DLGAP1: variants seen among roughly 807,000 people sequenced by gnomAD.
The protein encoded by DLGAP1 is DLG associated protein 1, also known as disks large-associated protein 1.
Under a neutral mutation model 90.8 loss-of-function variants are expected in DLGAP1, and 11 were observed. That is an observed-to-expected ratio of 0.12 (90% CI 0.08 to 0.20). The LOEUF (loss-of-function observed/expected upper bound fraction) is 0.20, where lower values mean the gene tolerates loss of function less well. Ranked by LOEUF, DLGAP1 falls within the 10% of genes least tolerant of loss-of-function variation. The pLI is 1.00. For synonymous variants in DLGAP1, 558 were observed against 540.7 expected (o/e 1.03, Z -0.44); for missense variants, 1,050 against 1,333.8 (o/e 0.79, Z 3.31).
chr18:4,311,333 GA>G (rs2080392246), intron 1 of DLGAP1, among the ~76,000 whole-genome samples: 1 of 152,168 alleles, frequency 6.6e-6, no homozygotes, highest in African/African-American at 2.4e-5. Context: ...TACTTTTTAA[GA>G]GTGCCCACTG....
intron 5 of DLGAP1, among the ~76,000 whole-genome samples, chr18:3,811,818 T>C (rs895564027): frequency 1.8e-4 from 28 of 152,304 alleles, no homozygotes; most frequent in African/African-American, 6.5e-4. Flanking sequence ...ATCCTCCACA[T>C]CCTGAAGCTA....
intron 4 of DLGAP1, among the ~76,000 whole-genome samples, chr18:3,837,713 G>T (rs190651489): frequency 6.6e-6 from 1 of 151,742 alleles, no homozygotes; most frequent in Non-Finnish European, 1.5e-5. Flanking sequence ...TTAGCTGGGC[G>T]TGGTGGTGTG....
At chr18:4,436,653 T>A (rs1461187595) in intron 1 of DLGAP1, among the ~76,000 whole-genome samples, 1 of 152,158 alleles carries the variant, frequency 6.6e-6, no homozygotes, top group Non-Finnish European at 1.5e-5. Flanking sequence ...TCTAGATGAT[T>A]CAATACATAG....
chr18:4,097,522 C>T (rs948995440), intron 2 of DLGAP1, among the ~76,000 whole-genome samples: 1 of 152,192 alleles, frequency 6.6e-6, no homozygotes, highest in Admixed American at 6.5e-5. Flanking sequence ...TCCCTTCTGC[C>T]TCCAGACACC....
chr18:3,787,749 A>G (rs2065526783), intron 5 of DLGAP1, among the ~76,000 whole-genome samples: 1 of 152,084 alleles, frequency 6.6e-6, no homozygotes, highest in South Asian at 2.1e-4. Context: ...GTGCTCAGAA[A>G]CCGATACCCC....
At chr18:4,354,718 T>A (rs2081470061) in intron 1 of DLGAP1, among the ~76,000 whole-genome samples, 1 of 151,692 alleles carries the variant, frequency 6.6e-6, no homozygotes, top group African/African-American at 2.4e-5. Context: ...GTCAAGATGA[T>A]CTCCACACAT....
intron 3 of DLGAP1, among the ~76,000 whole-genome samples, chr18:3,974,651 T>C (rs190152963): frequency 2.6e-5 from 4 of 152,292 alleles, no homozygotes; most frequent in Admixed American, 2.0e-4. Flanking sequence ...AAAGAACTTA[T>C]TATTAATCAG....
At chr18:4,443,625 A>G (rs889078437) in intron 1 of DLGAP1, among the ~76,000 whole-genome samples, 7 of 152,160 alleles carry the variant, frequency 4.6e-5, no homozygotes, top group Admixed American at 2.0e-4. Flanking sequence ...CAGTGTCCAA[A>G]CGTATTCAGT....
chr18:4,265,264 G>A (rs2079085963), intron 1 of DLGAP1, among the ~76,000 whole-genome samples: 1 of 151,766 alleles, frequency 6.6e-6, no homozygotes, highest in Non-Finnish European at 1.5e-5. Context: ...CACCTCCCAG[G>A]TTCACGCCAT....
chr18:3,956,762 T>C (rs2073093952), intron 3 of DLGAP1, among the ~76,000 whole-genome samples: 1 of 152,194 alleles, frequency 6.6e-6, no homozygotes, highest in African/African-American at 2.4e-5. Context: ...GTGATCCTTC[T>C]ACCTCAGCCT....
intron 7 of DLGAP1, among the ~76,000 whole-genome samples, chr18:3,626,594 T>TAA (rs1555606655): frequency 1.1e-4 from 15 of 130,566 alleles, no homozygotes; most frequent in African/African-American, 3.6e-4. Context: ...AAGAACCTGT[T>TAA]AAAAAAAAAA....
chr18:3,614,999 G>T (rs1334679176), intron 7 of DLGAP1, among the ~76,000 whole-genome samples: 2 of 10,920 alleles, frequency 1.8e-4, no homozygotes, highest in African/African-American at 8.9e-4. Context: ...TCGGCTCACC[G>T]CAACCTCCGC....
intron 7 of DLGAP1, among the ~76,000 whole-genome samples, chr18:3,700,167 G>T (rs936757442): frequency 6.6e-6 from 1 of 152,126 alleles, no homozygotes; most frequent in Non-Finnish European, 1.5e-5. Context: ...GCACCACTGG[G>T]GTATGAAAAA....
intron 9 of DLGAP1, among the ~76,000 whole-genome samples, chr18:3,559,192 T>C (rs140464012): frequency 0.024 from 3,584 of 152,328 alleles, 85 homozygotes; most frequent in East Asian, 0.11. Context: ...AAATAGATGA[T>C]TCTGATGATT....
intron 1 of DLGAP1, among the ~76,000 whole-genome samples, chr18:4,283,935 A>C (rs955938135): frequency 5.9e-5 from 9 of 152,158 alleles, no homozygotes; most frequent in Admixed American, 2.0e-4. Flanking sequence ...AACAGGGTTA[A>C]ATAAAAGACA....
intron 1 of DLGAP1, among the ~76,000 whole-genome samples, chr18:4,163,326 G>T (rs1322944891): frequency 6.6e-6 from 1 of 152,112 alleles, no homozygotes; most frequent in East Asian, 1.9e-4. Context: ...GGTAACTGTG[G>T]GAGAAAAGTC....
intron 1 of DLGAP1, among the ~76,000 whole-genome samples, chr18:4,229,353 G>C (rs1307342776): frequency 1.3e-5 from 2 of 151,952 alleles, no homozygotes; most frequent in East Asian, 3.9e-4. Context: ...AACCAAAAAA[G>C]ACCCAGAATA....
At chr18:4,415,091 A>G (rs950266677) in intron 1 of DLGAP1, among the ~76,000 whole-genome samples, 1 of 152,112 alleles carries the variant, frequency 6.6e-6, no homozygotes. Flanking sequence ...TTGATATTAG[A>G]GGAACAATCT....
chr18:4,240,753 A>C (rs1358369942), intron 1 of DLGAP1, among the ~76,000 whole-genome samples: 1 of 152,204 alleles, frequency 6.6e-6, no homozygotes, highest in Non-Finnish European at 1.5e-5. Flanking sequence ...GAGCACTGAA[A>C]TTTGGAAAGT....
Sources: gnomAD v4.1 joint callset for allele counts (sites outside exome capture counted in the v4.1 genomes callset) on GRCh38, gnomAD v4.1.1 for gene constraint, MANE v1.5 for transcripts, NCBI Gene and HGNC (gene_info 2026-07-23, HGNC 2026-07-21) for gene names.